Variants in CSGALNACT1 observed in about 807,000 individuals in gnomAD.
CSGALNACT1 encodes chondroitin sulfate N-acetylgalactosaminyltransferase 1, also known as beta4GalNAcT-1.
In CSGALNACT1, 52 loss-of-function variants were observed where a neutral mutation model predicts 51.0. That is an observed-to-expected ratio of 1.02 (90% CI 0.82 to 1.29). CSGALNACT1 has a LOEUF of 1.29. Ranked by LOEUF, CSGALNACT1 falls within the 50% of genes most tolerant of loss-of-function variation. The pLI, the probability that CSGALNACT1 is intolerant of heterozygous loss-of-function variation, is 0.00. For missense variants in CSGALNACT1, 935 were observed against 679.2 expected (o/e 1.38, Z -4.19); for synonymous variants, 341 against 254.4 (o/e 1.34, Z -3.24).
chr8:19,677,405 C>T (rs1485471557), intron 1 of CSGALNACT1, among the ~76,000 whole-genome samples: 1 of 152,282 alleles, frequency 6.6e-6, no homozygotes, highest in East Asian at 1.9e-4. Flanking sequence ...GCCACCATGC[C>T]CAGCCGCGAG....
intron 5 of CSGALNACT1, among the ~76,000 whole-genome samples, chr8:19,455,189 G>A (rs1272364372): frequency 2.0e-5 from 3 of 152,064 alleles, no homozygotes; most frequent in Admixed American, 6.6e-5. Flanking sequence ...TAATAGCCAA[G>A]TATTACCTTT....
intron 1 of CSGALNACT1, among the ~76,000 whole-genome samples, chr8:19,644,378 C>T (rs1416701198): frequency 6.7e-6 from 1 of 148,786 alleles, no homozygotes; most frequent in Non-Finnish European, 1.5e-5. Context: ...GAAAAAAATA[C>T]ACCTGAAAAA....
intron 3 of CSGALNACT1, among the ~76,000 whole-genome samples, chr8:19,555,229 ACT>A (rs945188686): frequency 2.0e-5 from 3 of 152,026 alleles, no homozygotes; most frequent in Non-Finnish European, 4.4e-5. Context: ...ACAGAGCAAG[ACT>A]CTGTTTCAAA....
chr8:19,655,586 A>G (rs1383714334), intron 1 of CSGALNACT1, among the ~76,000 whole-genome samples: 1 of 150,882 alleles, frequency 6.6e-6, no homozygotes, highest in African/African-American at 2.4e-5. Flanking sequence ...ACACATATAT[A>G]TATATATATA....
intron 4 of CSGALNACT1, among the ~76,000 whole-genome samples, chr8:19,461,895 CCATGG>C (rs2065617639): frequency 6.6e-6 from 1 of 150,730 alleles, no homozygotes; most frequent in African/African-American, 2.4e-5. Flanking sequence ...GCCACATTTA[CCATGG>C]AGGGTGTATC....
At chr8:19,744,920 A>G (rs1016530171) in intron 1 of CSGALNACT1, among the ~76,000 whole-genome samples, 6 of 152,204 alleles carry the variant, frequency 3.9e-5, no homozygotes, top group East Asian at 1.9e-4. Flanking sequence ...CCTATACTCC[A>G]GGAGTCTATA....
intron 1 of CSGALNACT1, among the ~76,000 whole-genome samples, chr8:19,681,777 C>T (rs1357092314): frequency 3.3e-5 from 5 of 152,166 alleles, no homozygotes; most frequent in South Asian, 2.1e-4. Context: ...AGTCTGGGCC[C>T]GTGCCCTGAG....
intron 1 of CSGALNACT1, among the ~76,000 whole-genome samples, chr8:19,717,770 A>G (rs992725534): frequency 2.0e-5 from 3 of 152,144 alleles, no homozygotes; most frequent in African/African-American, 7.2e-5. Flanking sequence ...CTGCAAGACT[A>G]GAGACTATTT....
intron 6 of CSGALNACT1, among the ~76,000 whole-genome samples, chr8:19,423,366 T>C (rs1421947187): frequency 6.6e-6 from 1 of 152,160 alleles, no homozygotes; most frequent in Non-Finnish European, 1.5e-5. Flanking sequence ...AGTCTACAAG[T>C]GATTGATTAA....
intron 5 of CSGALNACT1, among the ~76,000 whole-genome samples, chr8:19,448,053 G>C (rs1307622291): frequency 6.6e-6 from 1 of 152,172 alleles, no homozygotes; most frequent in Non-Finnish European, 1.5e-5. Context: ...TCAAACAACT[G>C]ATGCTTGTAC....
At chr8:19,602,100 GTGTCTAAAAA>G (rs2050562109) in exon 1 of CSGALNACT1, 2 of 193,360 alleles carry the variant, frequency 1.0e-5, no homozygotes, top group Admixed American at 1.2e-4. Context: ...ATGTCTAAAG[GTGTCTAAAAA>G]TGAAGCTGAA....
intron 1 of CSGALNACT1, among the ~76,000 whole-genome samples, chr8:19,659,716 G>C (rs1318458695): frequency 6.6e-6 from 1 of 152,098 alleles, no homozygotes; most frequent in Non-Finnish European, 1.5e-5. Context: ...TTGGCTAAAG[G>C]CTGGCAGGTC....
intron 1 of CSGALNACT1, among the ~76,000 whole-genome samples, chr8:19,607,818 G>T (rs1222835109): frequency 6.6e-6 from 1 of 152,208 alleles, no homozygotes; most frequent in Non-Finnish European, 1.5e-5. Context: ...GTGATTCTCA[G>T]TGAGGGAGGA....
At chr8:19,632,031 A>G (rs2055335024) in intron 1 of CSGALNACT1, among the ~76,000 whole-genome samples, 1 of 152,194 alleles carries the variant, frequency 6.6e-6, no homozygotes, top group Non-Finnish European at 1.5e-5. Context: ...AGTGGAAGAT[A>G]TTTTCTTACT....
At chr8:19,704,384 T>C (rs1412827622) in intron 1 of CSGALNACT1, among the ~76,000 whole-genome samples, 2 of 152,232 alleles carry the variant, frequency 1.3e-5, no homozygotes, top group Admixed American at 1.3e-4. Flanking sequence ...CATCTATCAC[T>C]TCACACCTTA....
At chr8:19,727,665 C>A (rs10100391) in intron 1 of CSGALNACT1, among the ~76,000 whole-genome samples, 1 of 152,082 alleles carries the variant, frequency 6.6e-6, no homozygotes, top group Non-Finnish European at 1.5e-5. Flanking sequence ...TCTATCAAGA[C>A]GGTGATATTC....
chr8:19,736,284 C>T (rs1332373646), intron 1 of CSGALNACT1, among the ~76,000 whole-genome samples: 1 of 152,154 alleles, frequency 6.6e-6, no homozygotes, highest in South Asian at 2.1e-4. Flanking sequence ...TAGTCTATGG[C>T]TGCTTTTTTC....
At chr8:19,683,325 T>C (rs1205546446), upstream of CSGALNACT1, 1 of 152,164 alleles carries the variant, frequency 6.6e-6, no homozygotes, top group Non-Finnish European at 1.5e-5. Flanking sequence ...TGGGGGCCAG[T>C]TGTCATGGCA....
chr8:19,731,519 A>C (rs994963772), intron 1 of CSGALNACT1, among the ~76,000 whole-genome samples: 11 of 152,078 alleles, frequency 7.2e-5, no homozygotes, highest in Admixed American at 5.2e-4. Flanking sequence ...TAAATAAATA[A>C]ATATGGCTGT....
Sources: gnomAD v4.1 joint callset for allele counts (sites outside exome capture counted in the v4.1 genomes callset) on GRCh38, gnomAD v4.1.1 for gene constraint, MANE v1.5 for transcripts, NCBI Gene and HGNC (gene_info 2026-07-23, HGNC 2026-07-21) for gene names.